ARID1B: variants seen among roughly 807,000 people sequenced by gnomAD.
ARID1B encodes AT-rich interactive domain-containing protein 1B.
A neutral mutation model predicts 212.3 loss-of-function variants in ARID1B; 30 were observed. That is an observed-to-expected ratio of 0.14 (90% CI 0.11 to 0.19). The LOEUF is 0.19. Ranked by LOEUF, ARID1B falls within the 10% of genes least tolerant of loss-of-function variation. ARID1B has a pLI of 1.00. For synonymous variants in ARID1B, 1,402 were observed against 1,301.7 expected, an observed-to-expected ratio of 1.08 and a Z score of -1.66; for missense variants, 2,891 against 3,204.0, an observed-to-expected ratio of 0.90 and a Z score of 2.36.
chr6:156,865,503 G>A (rs1785620631), intron 2 of ARID1B, among the ~76,000 whole-genome samples: 1 of 152,038 alleles, frequency 6.6e-6, no homozygotes, highest in Non-Finnish European at 1.5e-5. Flanking sequence ...CCCTAATGTT[G>A]TAGGACCTTC....
intron 1 of ARID1B, among the ~76,000 whole-genome samples, chr6:156,798,354 C>CA (rs1681998990): frequency 1.3e-5 from 2 of 152,358 alleles, no homozygotes; most frequent in Non-Finnish European, 2.9e-5. Context: ...CGGTGGGGCT[C>CA]AGATTATGCT....
chr6:156,946,575 A>G (rs978038814), intron 4 of ARID1B, among the ~76,000 whole-genome samples: 1 of 152,114 alleles, frequency 6.6e-6, no homozygotes, highest in African/African-American at 2.4e-5. Context: ...CATATGCAAA[A>G]CTTCATTTTC....
intron 6 of ARID1B, among the ~76,000 whole-genome samples, chr6:157,122,945 G>A (rs1474888372): frequency 6.6e-6 from 1 of 152,152 alleles, no homozygotes; most frequent in African/African-American, 2.4e-5. Flanking sequence ...GCCTCCCAAA[G>A]TACTGGGATT....
chr6:157,042,376 C>T (rs1353518293), intron 4 of ARID1B, among the ~76,000 whole-genome samples: 1 of 152,154 alleles, frequency 6.6e-6, no homozygotes, highest in Non-Finnish European at 1.5e-5. Context: ...CTATACCTGT[C>T]TTCCGGGCTA....
intron 3 of ARID1B, among the ~76,000 whole-genome samples, chr6:156,908,727 TTTC>T (rs1295179834): frequency 6.6e-6 from 1 of 152,186 alleles, no homozygotes; most frequent in African/African-American, 2.4e-5. Context: ...TTCTAAGAAA[TTTC>T]TTGTTTTTCT....
At chr6:156,917,910 C>G (rs1328625767) in intron 3 of ARID1B, among the ~76,000 whole-genome samples, 1 of 152,082 alleles carries the variant, frequency 6.6e-6, no homozygotes, top group Non-Finnish European at 1.5e-5. Flanking sequence ...TATCTTTCTT[C>G]AGACATCTTT....
intron 4 of ARID1B, among the ~76,000 whole-genome samples, chr6:157,066,013 C>T (rs1167610101): frequency 6.6e-6 from 1 of 152,184 alleles, no homozygotes; most frequent in African/African-American, 2.4e-5. Context: ...ATCCATCCAT[C>T]CCCAACCCCT....
intron 1 of ARID1B, among the ~76,000 whole-genome samples, chr6:156,799,602 T>C (rs2115322573): frequency 6.6e-6 from 1 of 152,246 alleles, no homozygotes; most frequent in East Asian, 1.9e-4. Context: ...TCAGCCTCCC[T>C]TGTAGCTGGG....
chr6:157,049,170 C>A (rs1215111064), intron 4 of ARID1B, among the ~76,000 whole-genome samples: 1 of 126,664 alleles, frequency 7.9e-6, no homozygotes, highest in African/African-American at 3.1e-5. Context: ...AAGACTCAGT[C>A]TGGAGAAAAA....
At chr6:157,027,622 G>A (rs529962096) in intron 4 of ARID1B, among the ~76,000 whole-genome samples, 1 of 152,298 alleles carries the variant, frequency 6.6e-6, no homozygotes, top group South Asian at 2.1e-4. Flanking sequence ...TGTAATAGAA[G>A]TTTCATTTGC....
intron 7 of ARID1B, chr6:157,140,695 G>C: frequency 2.5e-6 from 1 of 398,646 alleles, no homozygotes; most frequent in Non-Finnish European, 4.4e-6. Context: ...CACCTCCTGG[G>C]AGGCCTTTCT....
chr6:156,928,796 G>T lies in ARID1B; in HGVS notation c.2137-6670G>T, dbSNP rs373265174. Among the ~76,000 whole-genome samples, 31 of 152,288 alleles carry T rather than the reference G, an allele frequency of 2.0e-4. No homozygotes were observed. In the East Asian group the frequency reaches 4.8e-3, roughly 24 times the overall value. ...GCTTTGCCTTCACACCTGTGGAAGA[G>T]AATTTTTCATTTTCGCATTTCTTAC... On this transcript the variant is annotated intron_variant, in intron 3 of 19. Transcript: ENST00000636930.
intron 6 of ARID1B, chr6:157,110,971 A>G (rs1486168495): frequency 1.1e-5 from 2 of 179,172 alleles, no homozygotes; most frequent in African/African-American, 2.3e-5. Context: ...GATATTTAAT[A>G]GTAAGATTTT....
At chr6:157,071,142 TTCATTTTA>T (rs1562593891) in intron 4 of ARID1B, 1 of 152,232 alleles carries the variant, frequency 6.6e-6, no homozygotes. Flanking sequence ...AAAGCCAAAA[TTCATTTTA>T]TCCTTAGTAC....
At chr6:157,021,530 G>C (rs965694876) in intron 4 of ARID1B, among the ~76,000 whole-genome samples, 16 of 152,168 alleles carry the variant, frequency 1.1e-4, no homozygotes, top group Admixed American at 2.6e-4. Flanking sequence ...TCCCTACCCC[G>C]CACGTAGGCT....
intron 12 of ARID1B, among the ~76,000 whole-genome samples, chr6:157,181,903 T>C (rs1181463358): frequency 1.3e-5 from 2 of 152,180 alleles, no homozygotes; most frequent in Non-Finnish European, 2.9e-5. Context: ...TCTTTCTAAA[T>C]ACATGAGTCA....
Position 156,778,286 on chromosome 6 carries a change from G to GCAGCAA in ARID1B, c.612_617dup (p.Gln213_Gln214dup), listed in dbSNP as rs750911844. The GCAGCAA allele has an allele frequency of 3.4e-5, 52 of 1,530,438 alleles. No individual in the cohort carries two copies. The East Asian group carries it at 7.4e-4, about 22-fold the overall frequency. 94.8% of individuals were successfully genotyped at this position (1,530,438 alleles called of 1,614,324 possible). Reference sequence around the variant, plus strand: ...ACCAGTTCCAGCAGCAGCAGCAGCAGCAGCAACAGCAGCAGCAGCAGCAGC... The same window carrying GCAGCAA: ...ACCAGTTCCAGCAGCAGCAGCAGCAGCAGCAACAGCAACAGCAGCAGCAGCAGCAGC... On this transcript the variant is annotated inframe_insertion, in exon 1 of 20. Transcript: ENST00000636930.
chr6:157,087,069 C>T (rs1218960463), intron 5 of ARID1B, among the ~76,000 whole-genome samples: 1 of 152,208 alleles, frequency 6.6e-6, no homozygotes, highest in Non-Finnish European at 1.5e-5. Context: ...TATTCCAAGT[C>T]AGCTCCTCTG....
At chr6:156,998,513 G>A (rs566088861) in intron 4 of ARID1B, among the ~76,000 whole-genome samples, 30 of 152,276 alleles carry the variant, frequency 2.0e-4, no homozygotes, top group African/African-American at 3.9e-4. Flanking sequence ...GTGAGCCACC[G>A]CGCCTGGCTC....
Sources: allele counts gnomAD v4.1 joint callset (sites outside exome capture counted in the v4.1 genomes callset), GRCh38; gene constraint gnomAD v4.1.1; transcripts MANE v1.5; gene names NCBI Gene and HGNC (gene_info 2026-07-23, HGNC 2026-07-21).